The following TNRC18 variants were observed in gnomAD, a reference collection of about 807,000 sequenced individuals.
TNRC18 encodes the protein trinucleotide repeat containing 18, also known as trinucleotide repeat-containing gene 18 protein.
Under a neutral mutation model 226.7 loss-of-function variants are expected in TNRC18, and 69 were observed. The observed-to-expected ratio is 0.30, with a 90% CI of 0.25 to 0.37. The LOEUF (loss-of-function observed/expected upper bound fraction) is 0.37. Among genes scored for constraint, TNRC18 ranks in the 10% least tolerant of loss-of-function variants. The probability of loss-of-function intolerance (pLI) is 1.00; values close to 1 mark genes in which losing one functional copy is unlikely to be tolerated. For synonymous variants in TNRC18, 2,449 were observed against 1,927.6 expected, an observed-to-expected ratio of 1.27 and a Z score of -7.09; for missense variants, 4,754 against 4,256.6, an observed-to-expected ratio of 1.12 and a Z score of -3.25.
intron 9 of TNRC18, 87 bp from the exon 10 acceptor site, chr7:5,374,571 C>G (rs979436585): frequency 2.2e-6 from 3 of 1,376,224 alleles, no homozygotes; most frequent in Admixed American, 2.5e-5. Context: ...CCAAGGGTCC[C>G]CGAGTCCGAG....
intron 5 of TNRC18, among the ~76,000 whole-genome samples, chr7:5,385,801 T>A (rs1171214044): frequency 7.0e-6 from 1 of 142,866 alleles, no homozygotes; most frequent in African/African-American, 2.6e-5. Flanking sequence ...CAGTGAAACC[T>A]TGTCTCTACT....
chr7:5,380,051 C>T (rs911578960), intron 5 of TNRC18, among the ~76,000 whole-genome samples: 1 of 152,196 alleles, frequency 6.6e-6, no homozygotes, highest in Non-Finnish European at 1.5e-5. Flanking sequence ...GGGTCTACAG[C>T]GGCCCCACAG....
chr7:5,330,183 C>T (rs1022007591), intron 19 of TNRC18, among the ~76,000 whole-genome samples: 2 of 152,082 alleles, frequency 1.3e-5, no homozygotes, highest in Admixed American at 6.6e-5. Flanking sequence ...CTGCCCACCT[C>T]GGCCTCCCAA....
chr7:5,375,405 C>T (rs1424071654), intron 9 of TNRC18, among the ~76,000 whole-genome samples: 10 of 152,182 alleles, frequency 6.6e-5, no homozygotes, highest in Admixed American at 6.5e-4. Flanking sequence ...CATTTAGCAA[C>T]CCAAGGACTA....
intron 16 of TNRC18, among the ~76,000 whole-genome samples, chr7:5,354,178 G>C (rs1214637487): frequency 6.6e-6 from 1 of 152,006 alleles, no homozygotes; most frequent in Non-Finnish European, 1.5e-5. Context: ...ACTCCAGCCT[G>C]GGCAAAAACA....
intron 10 of TNRC18, among the ~76,000 whole-genome samples, chr7:5,371,842 G>C (rs867428034): frequency 7.9e-5 from 12 of 152,104 alleles, no homozygotes; most frequent in African/African-American, 2.7e-4. Flanking sequence ...AGGCCAAAGG[G>C]GGATGATCGC....
At chr7:5,315,885 G>A (rs1787796902) in intron 25 of TNRC18, 71 bp downstream of exon 25, 19 of 1,183,812 alleles carry the variant, frequency 1.6e-5, no homozygotes, top group Middle Eastern at 4.6e-4. Flanking sequence ...GCTCAGAGCC[G>A]GGCTTGGAGG....
At chr7:5,345,519 CCCTCCCA>C in intron 18 of TNRC18, 36 bp downstream of exon 18, 2 of 174,076 alleles carry the variant, frequency 1.1e-5, no homozygotes, top group Non-Finnish European at 2.4e-5. Flanking sequence ...TGGCGTCCGC[CCCTCCCA>C]CCCACCCCCA....
intron 19 of TNRC18, 91 bp from the exon 20 acceptor site, chr7:5,325,339 C>T (rs71529389): frequency 2.1e-6 from 3 of 1,428,356 alleles, no homozygotes; most frequent in Non-Finnish European, 1.9e-6. Context: ...CCCCCAAGTT[C>T]TGTGCCACCC....
chr7:5,312,273 A>C lies in TNRC18; in HGVS notation c.8388+230T>G, dbSNP rs2128103192. Among the ~76,000 whole-genome samples the C allele has an allele frequency of 6.6e-6, 1 of 152,306 alleles. No homozygotes were observed. The highest frequency in any genetic ancestry group is 6.5e-5 in the Admixed American group (1 of 15,292). ...GGGTGGCTCTGCGTCCCGGGACCAG[A>C]GGGCAGGACCACTCTGCTCTGAAGG... On this transcript the variant is annotated intron_variant, in intron 27 of 29. Coordinates refer to ENST00000430969, the MANE Select transcript of TNRC18 (RefSeq NM_001080495.3). The surrounding 1 kb of genome is among the most constrained non-coding windows in gnomAD (Gnocchi z 6.3).
In TNRC18 at chr7:5,309,391, G is replaced by T. The variant is rs753535048; in HGVS notation, c.8389-23C>A. On this transcript the variant is annotated intron_variant, in intron 27 of 29. Transcript: ENST00000430969. This position sits in a 1 kb window ranked among gnomAD's most constrained non-coding sequence, Gnocchi z 5.7. ...CCGCTGCAAGGACACGTGTGTCACG[G>T]CACAGGCCCTGGCCCAGCCCCAAGG... The T allele has an allele frequency of 8.8e-6, 14 of 1,584,420 alleles. No homozygotes were observed. The African/African-American group carries it at 1.6e-4, about 18-fold the overall frequency.
intron 11 of TNRC18, among the ~76,000 whole-genome samples, chr7:5,369,999 T>C (rs542008794): frequency 1.3e-5 from 2 of 152,236 alleles, no homozygotes; most frequent in South Asian, 4.1e-4. Flanking sequence ...TTTTTCATAA[T>C]TTAAAAATCT....
At chr7:5,338,147 A>C (rs934635382) in intron 18 of TNRC18, among the ~76,000 whole-genome samples, 2 of 152,206 alleles carry the variant, frequency 1.3e-5, no homozygotes, top group Non-Finnish European at 1.5e-5. Flanking sequence ...TGGATGTAAA[A>C]AGGAATGTAT....
intron 17 of TNRC18, 112 bp from the exon 18 acceptor site, chr7:5,345,922 T>G (rs1235628924): frequency 7.1e-7 from 1 of 1,404,376 alleles, no homozygotes; most frequent in East Asian, 2.5e-5. Context: ...CCCTCAGTCC[T>G]GAGCAGGGGG....
chr7:5,396,689 G>C (rs998074519), intron 2 of TNRC18, among the ~76,000 whole-genome samples: 6 of 152,088 alleles, frequency 3.9e-5, no homozygotes, highest in African/African-American at 1.4e-4. Context: ...GCCCCCAGCG[G>C]AGGGATTCCG....
chr7:5,334,363 C>A (rs553533099), intron 18 of TNRC18, among the ~76,000 whole-genome samples: 16 of 151,654 alleles, frequency 1.1e-4, no homozygotes, highest in African/African-American at 3.6e-4. Flanking sequence ...GTGGCGTGAT[C>A]TCGGCTCACT....
chr7:5,308,079 A>G lies in TNRC18; in HGVS notation c.*27T>C. 6.5e-7 allele frequency: 1 copy of G among 1,538,590 alleles called. No homozygotes were observed. Among genetic ancestry groups the G allele is most frequent in the Non-Finnish European group, 8.8e-7 (1 of 1,138,704 alleles). On this transcript the variant is annotated 3_prime_UTR_variant, in exon 30 of 30. Coordinates refer to ENST00000430969, the MANE Select transcript of TNRC18 (RefSeq NM_001080495.3). ...ATGGGTCCCTGGCCGCCCTCGGGGC[A>G]CAGGTGGCCCGCAGGGCCCGGCGGG...
chr7:5,371,338 C>T lies in TNRC18; in HGVS notation c.3256G>A (p.Ala1086Thr), dbSNP rs775255090. The change falls in exon 11 of 30, where the codon GCC (alanine) becomes ACC (threonine). Residue 1086 changes from alanine to threonine, a missense_variant. Coordinates refer to ENST00000430969, the MANE Select transcript of TNRC18 (RefSeq NM_001080495.3). ...GGCCTCCCGTAGTGCGGTGGCAGGG[C>T]TTGGAACGGGTACCTGGGCGGGATA... ...SDIPPRYPFQ[A>T]LPPHYGRPYP... The T allele has an allele frequency of 2.0e-6, 3 of 1,519,218 alleles. No individual in the cohort carries two copies. The highest frequency in any genetic ancestry group is 2.3e-5 in the East Asian group (1 of 43,990). 94.1% of individuals were successfully genotyped at this position (1,519,218 alleles called of 1,614,324 possible).
chr7:5,396,330 AGAGT>A (rs1185311505), intron 2 of TNRC18, among the ~76,000 whole-genome samples: 1 of 152,158 alleles, frequency 6.6e-6, no homozygotes, highest in Non-Finnish European at 1.5e-5. Flanking sequence ...CCTGGGCAAC[AGAGT>A]GAGACTCCGT....
Sources: gnomAD v4.1 joint callset for allele counts (sites outside exome capture counted in the v4.1 genomes callset) on GRCh38, gnomAD v4.1.1 for gene constraint, Gnocchi (gnomAD v3.1) non-coding constraint, MANE v1.5 for transcripts, NCBI Gene and HGNC (gene_info 2026-07-23, HGNC 2026-07-21) for gene names.